Variants in DPP3 observed in about 807,000 individuals in gnomAD.
DPP3 encodes DPP III.
In DPP3, 64 loss-of-function variants were observed where a neutral mutation model predicts 89.8. The ratio of observed to expected loss-of-function variants is 0.71; its 90% confidence interval spans 0.58 to 0.88. The LOEUF (loss-of-function observed/expected upper bound fraction) is 0.88, where lower values mean the gene tolerates loss of function less well. Ranked by LOEUF, DPP3 falls within the 40% of genes least tolerant of loss-of-function variation. The pLI is 0.00. For missense variants in DPP3, 835 were observed against 972.5 expected (o/e 0.86, Z 1.88); for synonymous variants, 377 against 404.3 (o/e 0.93, Z 0.81).
chr11:66,495,575 G>A, intron 14 of DPP3, 55 bp from the exon 15 acceptor site: 1 of 1,613,632 alleles, frequency 6.2e-7, no homozygotes, highest in Non-Finnish European at 8.5e-7. Flanking sequence ...GTGGCCAGTG[G>A]GATGGGGACA....
chr11:66,496,014 C>T (rs1855527341), intron 15 of DPP3, among the ~76,000 whole-genome samples: 1 of 152,174 alleles, frequency 6.6e-6, no homozygotes, highest in African/African-American at 2.4e-5. Flanking sequence ...TTGACGCACT[C>T]TCTGCCACAC....
chr11:66,504,135 CT>C (rs1177525605), intron 16 of DPP3, among the ~76,000 whole-genome samples: 7 of 151,830 alleles, frequency 4.6e-5, no homozygotes, highest in Non-Finnish European at 1.0e-4. Flanking sequence ...CTTTCTTTTC[CT>C]TTTTTTTAGA....
chr11:66,509,539 C>A lies in DPP3; in HGVS notation c.*288C>A. 1.0e-6 allele frequency: 1 copy of A among 966,562 alleles called. No individual in the cohort carries two copies. The highest frequency in any genetic ancestry group is 1.6e-6 in the Non-Finnish European group (1 of 627,904). 59.9% of individuals were successfully genotyped at this position (966,562 alleles called of 1,614,324 possible). Reference sequence around the variant, plus strand: ...AGGAAATGGCAGTTCTGAGAAGTCACTGGTCTAGATCCCGCAGGTGGCACG... The same window carrying A: ...AGGAAATGGCAGTTCTGAGAAGTCAATGGTCTAGATCCCGCAGGTGGCACG... On this transcript the variant is annotated 3_prime_UTR_variant, in exon 18 of 18. Transcript: ENST00000531863.
chr11:66,486,426 C>T, intron 3 of DPP3, 114 bp from the exon 4 acceptor site: 2 of 1,312,494 alleles, frequency 1.5e-6, no homozygotes, highest in East Asian at 5.6e-5. Context: ...CCATGGACCA[C>T]ACAATGAGCC....
intron 16 of DPP3, among the ~76,000 whole-genome samples, chr11:66,498,728 A>G (rs1186489959): frequency 1.3e-5 from 2 of 152,184 alleles, no homozygotes; most frequent in Admixed American, 1.3e-4. Context: ...ACACCAATAA[A>G]ACTGCTCAGT....
At chr11:66,505,575 G>A (rs1405081223) in intron 17 of DPP3, among the ~76,000 whole-genome samples, 1 of 152,144 alleles carries the variant, frequency 6.6e-6, no homozygotes, top group Non-Finnish European at 1.5e-5. Flanking sequence ...CCTTGCAGTA[G>A]CCCAATAAGG....
At chr11:66,507,207 C>T (rs1855823728) in intron 17 of DPP3, among the ~76,000 whole-genome samples, 1 of 152,070 alleles carries the variant, frequency 6.6e-6, no homozygotes, top group Non-Finnish European at 1.5e-5. Flanking sequence ...GTGACTCACA[C>T]CTGTAATCCC....
At position 66,497,296 on chromosome 11, in the gene DPP3, A is replaced by G; in HGVS notation, c.1699-2A>G. ...AATGCTGTCTTTCCCCTGCTCCGGCAGGCCCATATGCAGGCCCGGTTTGTG... is the reference window on the plus strand; with the variant it reads ...AATGCTGTCTTTCCCCTGCTCCGGCGGGCCCATATGCAGGCCCGGTTTGTG... On this transcript the variant is annotated splice_acceptor_variant, in intron 15 of 17. Transcript: ENST00000531863. LOFTEE classifies it high-confidence loss of function. 6.2e-7 allele frequency: 1 copy of G among 1,613,110 alleles called. No individual in the cohort carries two copies. Among genetic ancestry groups the G allele is most frequent in the Non-Finnish European group, 8.5e-7 (1 of 1,179,642 alleles).
chr11:66,491,356 G>A lies in DPP3; in HGVS notation c.771G>A (p.Lys257=). 1.2e-6 allele frequency: 2 copies of A among 1,613,994 alleles called. No homozygotes were observed. The highest frequency in any genetic ancestry group is 1.7e-5 in the Admixed American group (1 of 59,988). Residue 257 remains lysine, a synonymous_variant, in exon 7 of 18, where the codon AAG becomes AAA. Coordinates refer to ENST00000531863, the MANE Select transcript of DPP3 (RefSeq NM_130443.4). The part of the protein sequence containing the change: ...TRGDYAPILQ[K]VVEQLEKAKA... ...GGGACTACGCGCCCATCCTCCAGAAGGTGGTGGAGCAGCTGGAGAAAGCCA... is the reference window on the plus strand; with the variant it reads ...GGGACTACGCGCCCATCCTCCAGAAAGTGGTGGAGCAGCTGGAGAAAGCCA...
intron 2 of DPP3, among the ~76,000 whole-genome samples, chr11:66,484,818 C>A (rs2134718971): frequency 6.6e-6 from 1 of 152,262 alleles, no homozygotes. Flanking sequence ...AGGTCAGAGG[C>A]TGAGGACAGG....
intron 2 of DPP3, among the ~76,000 whole-genome samples, chr11:66,484,792 A>G (rs1164442924): frequency 6.6e-6 from 1 of 152,082 alleles, no homozygotes; most frequent in Non-Finnish European, 1.5e-5. Flanking sequence ...GATGCTTCCA[A>G]GGCCAGCTGC....
chr11:66,497,891 TA>T (rs566236707), intron 16 of DPP3, among the ~76,000 whole-genome samples: 673 of 137,864 alleles, frequency 4.9e-3, no homozygotes, highest in Middle Eastern at 7.3e-3. Flanking sequence ...ACCCTATCTC[TA>T]AAAAAAAAAA....
At chr11:66,493,366 C>A (rs747956648) in intron 11 of DPP3, among the ~76,000 whole-genome samples, 175 bp from the exon 12 acceptor site, 4 of 152,204 alleles carry the variant, frequency 2.6e-5, no homozygotes, top group Non-Finnish European at 4.4e-5. Flanking sequence ...AGGGAGGCAT[C>A]CCTCCCTTCC....
chr11:66,506,285 C>G (rs1354252057), intron 17 of DPP3, among the ~76,000 whole-genome samples: 1 of 147,592 alleles, frequency 6.8e-6, no homozygotes, highest in Non-Finnish European at 1.5e-5. Flanking sequence ...ACGGAGTTTC[C>G]CTCTTGTTGC....
chr11:66,490,212 T>C (rs1468073805), intron 6 of DPP3, among the ~76,000 whole-genome samples: 1 of 151,580 alleles, frequency 6.6e-6, no homozygotes, highest in Non-Finnish European at 1.5e-5. Flanking sequence ...TTTTTGCTTG[T>C]TTGTTTGTTT....
chr11:66,500,519 T>C (rs116065112), intron 16 of DPP3, among the ~76,000 whole-genome samples: 2,262 of 152,278 alleles, frequency 0.015, 44 homozygotes, highest in African/African-American at 0.051. Flanking sequence ...CTAAACTGCA[T>C]AAGTTACAAT....
intron 15 of DPP3, 55 bp from the exon 16 acceptor site, chr11:66,497,231 AAGGACCAAGCCT>A: frequency 1.3e-6 from 2 of 1,548,472 alleles, no homozygotes; most frequent in Non-Finnish European, 1.7e-6. Context: ...GGACCAAGCC[AAGGACCAAGCCT>A]AGGACCAAGC....
chr11:66,496,074 A>G (rs1255582940), intron 15 of DPP3, among the ~76,000 whole-genome samples: 2 of 152,208 alleles, frequency 1.3e-5, no homozygotes, highest in East Asian at 3.8e-4. Context: ...GGTAGGTGCT[A>G]TTGTTACCCT....
In DPP3 at chr11:66,495,350, G is replaced by T. The variant is rs1356231771; in HGVS notation, c.1453-15G>T. 1 of 1,613,850 alleles carries T rather than the reference G, an allele frequency of 6.2e-7. No homozygotes were observed. Among genetic ancestry groups the T allele is most frequent in the African/African-American group, 1.3e-5 (1 of 75,060 alleles). ...AGTGGCCACCTTAAGCCCGACAGTG[G>T]AGCTCCTTTTCCAGATTCAGAGCTG... On this transcript the variant is annotated splice_polypyrimidine_tract_variant and intron_variant, in intron 13 of 17. Coordinates refer to ENST00000531863, the MANE Select transcript of DPP3 (RefSeq NM_130443.4).
Sources: gnomAD v4.1 joint callset for allele counts (sites outside exome capture counted in the v4.1 genomes callset) on GRCh38, gnomAD v4.1.1 for gene constraint, MANE v1.5 for transcripts, NCBI Gene and HGNC (gene_info 2026-07-23, HGNC 2026-07-21) for gene names.